SURF1: variants seen among roughly 807,000 people sequenced by gnomAD.
The protein encoded by SURF1 is surfeit locus protein 1.
A neutral mutation model predicts 34.1 loss-of-function variants in SURF1; 45 were observed. The observed-to-expected ratio is 1.32, with a 90% CI of 1.04 to 1.69. The LOEUF (loss-of-function observed/expected upper bound fraction) is 1.69. Ranked by LOEUF, SURF1 falls within the 40% of genes most tolerant of loss-of-function variation. SURF1 has a pLI of 0.00. For missense variants in SURF1, 456 were observed against 384.6 expected (o/e 1.19, Z -1.55); for synonymous variants, 188 against 147.5 (o/e 1.27, Z -1.99).
intron 5 of SURF1, among the ~76,000 whole-genome samples, chr9:133,352,969 G>C (rs1346897344): frequency 2.0e-5 from 3 of 152,172 alleles, no homozygotes; most frequent in African/African-American, 7.2e-5. Context: ...AAGGCTCCCT[G>C]CCACCATCAC....
chr9:133,352,635 A>C (rs2130008764), intron 6 of SURF1, 27 bp from the exon 7 acceptor site: 7 of 1,613,974 alleles, frequency 4.3e-6, no homozygotes, highest in Admixed American at 1.7e-5. Context: ...GTGAGATTGC[A>C]TGGAGCCTGG....
rs1836579837 is a variant in SURF1 at position 133,356,265 on chromosome 9, T to C, written c.106+4A>G. 6.5e-7 allele frequency: 1 copy of C among 1,533,012 alleles called. No individual in the cohort carries two copies. Among genetic ancestry groups the C allele is most frequent in the Non-Finnish European group, 8.7e-7 (1 of 1,146,088 alleles). The allele number at this position is 1,533,012 out of a possible 1,614,324, so 95.0% of individuals were successfully genotyped here. On this transcript the variant is annotated splice_donor_region_variant and intron_variant, in intron 2 of 8. Transcript: ENST00000371974. ...TGGATCACAGCCCGGCCTGCAGCCC[T>C]CACCTGGGCGCGGGGAGACCCTGAG...
Position 133,351,861 on chromosome 9 carries a change from G to A in SURF1, c.*52C>T, listed in dbSNP as rs1836418345. The A allele has an allele frequency of 6.4e-7, 1 of 1,571,268 alleles. No individual in the cohort carries two copies. Among genetic ancestry groups the A allele is most frequent in the Admixed American group, 1.8e-5 (1 of 56,942 alleles). On this transcript the variant is annotated 3_prime_UTR_variant, in exon 9 of 9. Coordinates refer to ENST00000371974, the MANE Select transcript of SURF1 (RefSeq NM_003172.4). Reference sequence around the variant, plus strand: ...CAGTAGCACATGATCCAGCATAAAGGCAGTCTTGAAATACTGCATTATCCA... The same window carrying A: ...CAGTAGCACATGATCCAGCATAAAGACAGTCTTGAAATACTGCATTATCCA...
chr9:133,355,020 C>G (rs1438327387), intron 2 of SURF1, 63 bp from the exon 3 acceptor site: 6 of 1,603,232 alleles, frequency 3.7e-6, no homozygotes, highest in South Asian at 3.3e-5. Context: ...TGGAGCAGCC[C>G]GTTCCAAGAC....
At chr9:133,352,944 C>G (rs1836472142) in intron 5 of SURF1, among the ~76,000 whole-genome samples, 178 bp from the exon 6 acceptor site, 1 of 152,230 alleles carries the variant, frequency 6.6e-6, no homozygotes. Flanking sequence ...CTTGAGGCAC[C>G]TTCGTGGTTG....
At position 133,351,916 on chromosome 9, in the gene SURF1, C is replaced by A. The variant is rs2130002500; in HGVS notation, c.900G>T (p.Val300=). 6.2e-7 allele frequency: 1 copy of A among 1,613,606 alleles called. No homozygotes were observed. ...FKKFLRGTPG[V] ...CAGGGCTTCAGCAGCTGATCTGTCACACACCAGGTGTCCCACGTAGGAATT... is the reference window on the plus strand; with the variant it reads ...CAGGGCTTCAGCAGCTGATCTGTCAAACACCAGGTGTCCCACGTAGGAATT... The change falls in exon 9 of 9, where the codon GTG becomes GTT. Residue 300 remains valine, a synonymous_variant. Transcript: ENST00000371974.
intron 2 of SURF1, chr9:133,355,962 C>T (rs1836571072): frequency 1.9e-6 from 1 of 524,130 alleles, no homozygotes; most frequent in Non-Finnish European, 3.4e-6. Context: ...CCTGGGCTTT[C>T]AGCCTGGGCT....
Position 133,356,100 on chromosome 9 carries a change from C to G in SURF1, c.106+169G>C, listed in dbSNP as rs2130024126. 5.0e-4 allele frequency: 466 copies of G among 930,194 alleles called. 1 individual carries two copies. Among genetic ancestry groups the G allele is most frequent in the Non-Finnish European group, 7.0e-4 (423 of 606,112 alleles). 57.6% of individuals were successfully genotyped at this position (930,194 alleles called of 1,614,324 possible). On this transcript the variant is annotated intron_variant, in intron 2 of 8. Coordinates refer to ENST00000371974, the MANE Select transcript of SURF1 (RefSeq NM_003172.4). Reference sequence around the variant, plus strand: ...GCTCGCTACATGCCCGGCACACGACCACAATTCCACTGAAAGCATTTTAAT... The same window carrying G: ...GCTCGCTACATGCCCGGCACACGACGACAATTCCACTGAAAGCATTTTAAT...
Position 133,353,784 on chromosome 9 carries a change from G to T in SURF1, c.480C>A (p.Ala160=). 6.2e-7 allele frequency: 1 copy of T among 1,613,812 alleles called. No individual in the cohort carries two copies. The highest frequency in any genetic ancestry group is 1.1e-5 in the South Asian group (1 of 91,078). Residue 160 remains alanine (A), a synonymous_variant, in exon 5 of 9, where the codon GCC becomes GCA. Transcript: ENST00000371974. The part of the protein sequence containing the change: ...GLISSSTQSG[A]YVVTPFHCTD... Reference sequence around the variant, plus strand: ...TGCAGTGGAAGGGAGTGACCACATAGGCCCCACTCTGAGTTGAGGAGGAGA... The same window carrying T: ...TGCAGTGGAAGGGAGTGACCACATATGCCCCACTCTGAGTTGAGGAGGAGA...
intron 4 of SURF1, 154 bp from the exon 5 acceptor site, chr9:133,354,094 T>C: frequency 1.2e-6 from 1 of 821,678 alleles, no homozygotes; most frequent in Non-Finnish European, 2.0e-6. Flanking sequence ...CATGTGGGAA[T>C]GTGGATCTGC....
At position 133,356,475 on chromosome 9, in the gene SURF1, T is replaced by TTCCGGGACGCAGGAAGCATCTGCA; in HGVS notation, c.-23_-22insTGCAGATGCTTCCTGCGTCCCGGA. On this transcript the variant is annotated 5_prime_UTR_variant, in exon 1 of 9. It adds an upstream start codon to the 5' untranslated region. Coordinates refer to ENST00000371974, the MANE Select transcript of SURF1 (RefSeq NM_003172.4). ...CCATCGCACCCGGCCCCGCGGGCGC[T>TTCCGGGACGCAGGAAGCATCTGCA]TCCGGGACGCAGGAAGCATCTGCAT... is the stretch of plus-strand genomic sequence containing the variant. 2.1e-6 allele frequency: 3 copies of TTCCGGGACGCAGGAAGCATCTGCA among 1,427,782 alleles called. No individual in the cohort carries two copies. The highest frequency in any genetic ancestry group is 2.7e-6 in the Non-Finnish European group (3 of 1,094,250). The allele number at this position is 1,427,782 out of a possible 1,614,324, so 88.4% of individuals were successfully genotyped here.
rs1208965322 is a variant in SURF1 at position 133,352,450 on chromosome 9, G to T, written c.747C>A (p.Asn249Lys). 6.2e-7 allele frequency: 1 copy of T among 1,614,234 alleles called. No individual in the cohort carries two copies. The highest frequency in any genetic ancestry group is 8.5e-7 in the Non-Finnish European group (1 of 1,180,044). ...TGAEPIFIDANFQSTVPGGPI... is the reference protein window; with the variant it reads ...TGAEPIFIDAKFQSTVPGGPI... ...ATGGGCTGGTCCACAACGTACGGAAGTTGGCATCAATGAAGATGGGCTCTG... is the reference window on the plus strand; with the variant it reads ...ATGGGCTGGTCCACAACGTACGGAATTTGGCATCAATGAAGATGGGCTCTG... Residue 249 changes from asparagine to lysine, a missense_variant, in exon 7 of 9, where the codon AAC (asparagine) becomes AAA (lysine). Physicochemically the swap from Asn to Lys is moderately conservative, Grantham distance 94. Coordinates refer to ENST00000371974, the MANE Select transcript of SURF1 (RefSeq NM_003172.4).
chr9:133,356,479 G>A lies in SURF1; in HGVS notation c.-26C>T, dbSNP rs1303679860. On this transcript the variant is annotated 5_prime_UTR_variant, in exon 1 of 9. Transcript: ENST00000371974. ...CGCACCCGGCCCCGCGGGCGCTTCC[G>A]GGACGCAGGAAGCATCTGCATCCGG... The A allele has an allele frequency of 1.4e-6, 2 of 1,425,688 alleles. No individual in the cohort carries two copies. Among genetic ancestry groups the A allele is most frequent in the Non-Finnish European group, 1.8e-6 (2 of 1,093,094 alleles). The allele number at this position is 1,425,688 out of a possible 1,614,324, so 88.3% of individuals were successfully genotyped here. A position where few individuals can be genotyped will look rare whatever the true frequency, so the allele number is the denominator to read the frequency against.
chr9:133,354,913 C>A lies in SURF1; in HGVS notation c.151G>T (p.Ala51Ser). The A allele has an allele frequency of 6.2e-7, 1 of 1,613,856 alleles. No individual in the cohort carries two copies. The highest frequency in any genetic ancestry group is 8.5e-7 in the Non-Finnish European group (1 of 1,180,028). ...TCATCTTCCGCTTTTGTGGCAGATGCTTCTGCTGCAGAACTGCCACATCTG... is the reference window on the plus strand; with the variant it reads ...TCATCTTCCGCTTTTGTGGCAGATGATTCTGCTGCAGAACTGCCACATCTG... ...PSRCGSSAAE[A>S]SATKAEDDSF... Residue 51 changes from alanine to serine, a missense_variant, in exon 3 of 9, where the codon GCA (alanine) becomes TCA (serine). Coordinates refer to ENST00000371974, the MANE Select transcript of SURF1 (RefSeq NM_003172.4).
At position 133,351,961 on chromosome 9, in the gene SURF1, T is replaced by G. The variant is rs2130003007; in HGVS notation, c.855A>C (p.Thr285=). 6.2e-7 allele frequency: 1 copy of G among 1,613,788 alleles called. No individual in the cohort carries two copies. Among genetic ancestry groups the G allele is most frequent in the African/African-American group, 1.3e-5 (1 of 74,886 alleles). ...IVTWYGLSAA[T]SYLWFKKFLR... ...GGAATTTCTTAAACCACAGGTAGGA[T>G]GTAGCTGCAGAGAGTCCATACCTAG... The change falls in exon 9 of 9, where the codon ACA becomes ACC. Residue 285 remains threonine, a synonymous_variant. Coordinates refer to ENST00000371974, the MANE Select transcript of SURF1 (RefSeq NM_003172.4).
rs1836450299 is a variant in SURF1, at chr9:133,352,449, A to G, written c.748T>C (p.Phe250Leu). 1 of 1,614,220 alleles carries G rather than the reference A, an allele frequency of 6.2e-7. No homozygotes were observed. The highest frequency in any genetic ancestry group is 1.7e-5 in the Admixed American group (1 of 60,022). ...GAEPIFIDAN[F>L]QSTVPGGPIG... Reference sequence around the variant, plus strand: ...GATGGGCTGGTCCACAACGTACGGAAGTTGGCATCAATGAAGATGGGCTCT... The same window carrying G: ...GATGGGCTGGTCCACAACGTACGGAGGTTGGCATCAATGAAGATGGGCTCT... Residue 250 changes from phenylalanine (F) to leucine (L), a missense_variant, in exon 7 of 9, where the codon TTC (phenylalanine) becomes CTC (leucine). Physicochemically the swap from Phe to Leu is conservative, Grantham distance 22 (BLOSUM62 0). Transcript: ENST00000371974.
At chr9:133,356,181 A>G (rs1387500314) in intron 2 of SURF1, 88 bp downstream of exon 2, 2 of 1,496,286 alleles carry the variant, frequency 1.3e-6, no homozygotes, top group Non-Finnish European at 9.0e-7. Flanking sequence ...GTTCATTTCA[A>G]TCCCCACGAC....
intron 2 of SURF1, chr9:133,355,997 G>A (rs1378303470): frequency 4.1e-5 from 23 of 558,838 alleles, no homozygotes; most frequent in Non-Finnish European, 7.1e-5. Context: ...TGGATGGGAC[G>A]TTCGGAAGTA....
chr9:133,352,801 G>A lies in SURF1; in HGVS notation c.516-35C>T, dbSNP rs2130010382. ...TGAAAGTGCTACTTCAGGTGGGGAGGGTTTTTGACTAAAGACAGTCACTCA... is the reference window on the plus strand; with the variant it reads ...TGAAAGTGCTACTTCAGGTGGGGAGAGTTTTTGACTAAAGACAGTCACTCA... On this transcript the variant is annotated intron_variant, in intron 5 of 8. Transcript: ENST00000371974. 4 of 1,589,366 alleles carry A rather than the reference G, an allele frequency of 2.5e-6. No individual in the cohort carries two copies. In the South Asian group the frequency reaches 3.4e-5, roughly 14 times the overall value.
Sources: gnomAD v4.1 joint callset for allele counts (sites outside exome capture counted in the v4.1 genomes callset) on GRCh38, gnomAD v4.1.1 for gene constraint, MANE v1.5 for transcripts, NCBI Gene and HGNC (gene_info 2026-07-23, HGNC 2026-07-21) for gene names.